Variants in ITFG1 observed in about 807,000 individuals in gnomAD.
The protein encoded by ITFG1 is integrin alpha FG-GAP repeat containing 1, also known as T-cell immunomodulatory protein.
ITFG1 carries 34 observed loss-of-function variants against 81.8 expected under a neutral mutation model. That is an observed-to-expected ratio of 0.42 (90% CI 0.32 to 0.55). The LOEUF is 0.55. ITFG1 is among the 20% of genes least tolerant of loss of function. The pLI is 0.17. For missense variants in ITFG1, 672 were observed against 755.4 expected, an observed-to-expected ratio of 0.89 and a Z score of 1.29; for synonymous variants, 285 against 270.6, an observed-to-expected ratio of 1.05 and a Z score of -0.52.
At chr16:47,368,575 A>AAAAAAAAAG in intron 7 of ITFG1, among the ~76,000 whole-genome samples, 1 of 150,460 alleles carries the variant, frequency 6.6e-6, no homozygotes, top group African/African-American at 2.4e-5. Flanking sequence ...AAAAAAAAAA[A>AAAAAAAAAG]AAAAAAAAAA....
intron 6 of ITFG1, among the ~76,000 whole-genome samples, chr16:47,387,504 G>A (rs1251655940): frequency 6.6e-6 from 1 of 152,118 alleles, no homozygotes; most frequent in Admixed American, 6.6e-5. Context: ...CTTTGGTGCT[G>A]GTGGGAGGTT....
intron 14 of ITFG1, among the ~76,000 whole-genome samples, chr16:47,164,233 A>G (rs1402737568): frequency 6.7e-6 from 1 of 149,566 alleles, no homozygotes; most frequent in Non-Finnish European, 1.5e-5. Flanking sequence ...TCCCTGCAGC[A>G]GTTGCCCCAG....
intron 10 of ITFG1, among the ~76,000 whole-genome samples, chr16:47,269,712 C>G (rs185926750): frequency 4.1e-4 from 62 of 152,192 alleles, no homozygotes; most frequent in African/African-American, 1.4e-3. Flanking sequence ...CCAAATTGAC[C>G]TATAGTTTCA....
intron 12 of ITFG1, among the ~76,000 whole-genome samples, chr16:47,250,228 A>G (rs111663435): frequency 3.8e-4 from 58 of 152,212 alleles, no homozygotes; most frequent in African/African-American, 1.3e-3. Context: ...TCTTTCATTA[A>G]TTATTTTATT....
intron 2 of ITFG1, among the ~76,000 whole-genome samples, chr16:47,455,275 A>T (rs1028126563): frequency 6.6e-5 from 10 of 152,164 alleles, no homozygotes; most frequent in African/African-American, 2.2e-4. Context: ...TCTGAAGAAA[A>T]CTTTGACTAT....
chr16:47,285,280 A>C (rs1319295265), intron 10 of ITFG1, among the ~76,000 whole-genome samples: 1 of 152,224 alleles, frequency 6.6e-6, no homozygotes, highest in African/African-American at 2.4e-5. Flanking sequence ...TTCAGTAAAC[A>C]TCCGAGCTGA....
intron 10 of ITFG1, among the ~76,000 whole-genome samples, chr16:47,305,015 T>A (rs921428351): frequency 4.6e-5 from 7 of 152,204 alleles, no homozygotes; most frequent in African/African-American, 1.7e-4. Context: ...CTTTACTTTA[T>A]CACAGTATAA....
At chr16:47,199,785 A>G (rs1347963401) in intron 14 of ITFG1, among the ~76,000 whole-genome samples, 1 of 152,150 alleles carries the variant, frequency 6.6e-6, no homozygotes, top group East Asian at 1.9e-4. Context: ...TATACAACTC[A>G]CCATAATGTA....
intron 7 of ITFG1, among the ~76,000 whole-genome samples, 179 bp from the exon 8 acceptor site, chr16:47,366,048 G>A (rs538242928): frequency 4.0e-4 from 61 of 152,266 alleles, no homozygotes; most frequent in African/African-American, 1.4e-3. Flanking sequence ...ACTCCTGTGA[G>A]TTGAGGAAGA....
At chr16:47,434,920 C>A (rs1969145633) in intron 5 of ITFG1, among the ~76,000 whole-genome samples, 1 of 152,140 alleles carries the variant, frequency 6.6e-6, no homozygotes, top group Non-Finnish European at 1.5e-5. Flanking sequence ...CAAACTGACA[C>A]AGGAACAGAA....
intron 5 of ITFG1, among the ~76,000 whole-genome samples, chr16:47,445,247 GAAAAAAAAAAAAA>G (rs907756228): frequency 1.6e-4 from 5 of 30,826 alleles, no homozygotes; most frequent in African/African-American, 2.2e-4. Flanking sequence ...CTCCGTCTCA[GAAAAAAAAAAAAA>G]AAAAAAAAAA....
rs192629761 is a variant in ITFG1, at chr16:47,383,341, A to G, written c.656-7401T>C. On this transcript the variant is annotated intron_variant, in intron 6 of 17. Transcript: ENST00000320640. Reference sequence around the variant, plus strand: ...GTTTTAAAATATAAATTTTAGAATTATATTTGCCCTGACGCGTTTTCTTAG... The same window carrying G: ...GTTTTAAAATATAAATTTTAGAATTGTATTTGCCCTGACGCGTTTTCTTAG... Among the ~76,000 whole-genome samples the G allele has an allele frequency of 3.3e-3, 506 of 152,346 alleles. 3 individuals carry two copies. Among genetic ancestry groups the G allele is most frequent in the African/African-American group, 0.012 (483 of 41,574 alleles).
rs552910752 is a variant in ITFG1, at chr16:47,172,255, C to T, written c.1454-9591G>A. 7.2e-5 allele frequency among the ~76,000 whole-genome samples: 11 copies of T among 152,236 alleles called. No homozygotes were observed. In the South Asian group the frequency reaches 8.3e-4, roughly 11 times the overall value. ...ATCCCAGCATTTTGGGAGGCTGAGGCGGGTGGATCACCTGAGGTCAGGAGT... is the reference window on the plus strand; with the variant it reads ...ATCCCAGCATTTTGGGAGGCTGAGGTGGGTGGATCACCTGAGGTCAGGAGT... On this transcript the variant is annotated intron_variant, in intron 14 of 17. Coordinates refer to ENST00000320640, the MANE Select transcript of ITFG1 (RefSeq NM_030790.5).
intron 8 of ITFG1, among the ~76,000 whole-genome samples, chr16:47,342,495 G>T (rs1329676120): frequency 6.6e-6 from 1 of 152,010 alleles, no homozygotes; most frequent in Non-Finnish European, 1.5e-5. Context: ...GGAAATTCTA[G>T]TCAGAGCAAT....
At chr16:47,305,358 T>C (rs1431182814) in intron 10 of ITFG1, among the ~76,000 whole-genome samples, 1 of 152,136 alleles carries the variant, frequency 6.6e-6, no homozygotes, top group Non-Finnish European at 1.5e-5. Context: ...TCAGGGTAGT[T>C]ATTGAGCTGA....
chr16:47,197,262 T>C (rs903343032), intron 14 of ITFG1, among the ~76,000 whole-genome samples: 2 of 152,224 alleles, frequency 1.3e-5, no homozygotes, highest in African/African-American at 2.4e-5. Flanking sequence ...AGTTACCTTC[T>C]AGTTTCGGAA....
At chr16:47,315,476 C>T (rs1046154611) in intron 8 of ITFG1, among the ~76,000 whole-genome samples, 7 of 152,110 alleles carry the variant, frequency 4.6e-5, no homozygotes, top group African/African-American at 1.7e-4. Flanking sequence ...ACGGCTTTTC[C>T]CTTCATTTTT....
intron 8 of ITFG1, among the ~76,000 whole-genome samples, chr16:47,347,586 C>A (rs1443185679): frequency 6.6e-6 from 1 of 152,162 alleles, no homozygotes; most frequent in African/African-American, 2.4e-5. Flanking sequence ...CTCAAGGAGG[C>A]CTGCCTGCCT....
At chr16:47,403,310 G>A (rs1193200329) in intron 6 of ITFG1, among the ~76,000 whole-genome samples, 2 of 151,464 alleles carry the variant, frequency 1.3e-5, no homozygotes, top group Admixed American at 6.6e-5. Context: ...CAGAATGTGG[G>A]CTGTTCTAGG....
Sources: gnomAD v4.1 joint callset for allele counts (sites outside exome capture counted in the v4.1 genomes callset) on GRCh38, gnomAD v4.1.1 for gene constraint, MANE v1.5 for transcripts, NCBI Gene and HGNC (gene_info 2026-07-23, HGNC 2026-07-21) for gene names.